Variants in GRIP1 observed in about 807,000 individuals in gnomAD.
GRIP1 encodes the protein glutamate receptor interacting protein 1, also known as glutamate receptor-interacting protein 1.
Under a neutral mutation model 129.9 loss-of-function variants are expected in GRIP1, and 45 were observed. The observed-to-expected ratio is 0.35, with a 90% CI of 0.27 to 0.44. The LOEUF (loss-of-function observed/expected upper bound fraction) is 0.44. GRIP1 is among the 20% of genes least tolerant of loss of function. The pLI, the probability that GRIP1 is intolerant of heterozygous loss-of-function variation, is 1.00. For missense variants in GRIP1, 1,196 were observed against 1,396.8 expected (o/e 0.86, Z 2.29); for synonymous variants, 530 against 520.8 (o/e 1.02, Z -0.24).
intron 1 of GRIP1, chr12:66,647,384 A>G (rs1394328605): frequency 2.0e-5 from 3 of 152,240 alleles, no homozygotes; most frequent in African/African-American, 4.8e-5. Flanking sequence ...ATACGACATC[A>G]TAATACATAA....
In GRIP1 at chr12:66,825,553, C is replaced by T. The variant is rs79914187; in HGVS notation, c.59-228626G>A. ...ACTATATCTGAGACTTCAGGCAAGG[C>T]ACTTAACCTGTTTATCCCACAGTTC... On this transcript the variant is annotated intron_variant, in intron 1 of 1. Coordinates refer to the GRIP1 transcript ENST00000643019. Among the ~76,000 whole-genome samples the T allele has an allele frequency of 3.4e-3, 517 of 152,252 alleles. 3 individuals are homozygous for T. Among genetic ancestry groups the T allele is most frequent in the African/African-American group, 0.012 (491 of 41,550 alleles).
At chr12:66,592,664 T>C (rs2139723548) in intron 2 of GRIP1, among the ~76,000 whole-genome samples, 1 of 152,322 alleles carries the variant, frequency 6.6e-6, no homozygotes, top group South Asian at 2.1e-4. Context: ...AACTCTAGGC[T>C]TTGAGGTCAA....
rs567668449 is a variant in GRIP1, at chr12:66,930,995, A to G, written c.58+138055T>C. The stretch of plus-strand genomic sequence containing the variant: ...GGGATCCTCTCCTAACTCATCAAAG[A>G]GCAAAATATTTTTTAAAATGCAATG... On this transcript the variant is annotated intron_variant, in intron 1 of 1. Transcript: ENST00000643019. Among the ~76,000 whole-genome samples, 27 of 152,296 alleles carry G rather than the reference A, an allele frequency of 1.8e-4. 1 individual carries two copies. The South Asian group carries it at 5.4e-3, about 30-fold the overall frequency.
chr12:66,986,621 T>C (rs2042315683), intron 1 of GRIP1, among the ~76,000 whole-genome samples: 1 of 141,224 alleles, frequency 7.1e-6, no homozygotes, highest in Admixed American at 7.6e-5. Flanking sequence ...AGGTGGGAAT[T>C]GAACAGTGAG....
chr12:66,533,990 G>A (rs373888320), intron 4 of GRIP1, among the ~76,000 whole-genome samples: 5 of 151,986 alleles, frequency 3.3e-5, no homozygotes, highest in East Asian at 1.9e-4. Flanking sequence ...GCCTTGGGTC[G>A]CTTGTCTTTT....
intron 1 of GRIP1, among the ~76,000 whole-genome samples, chr12:66,845,934 C>A (rs1316367818): frequency 6.6e-6 from 1 of 152,140 alleles, no homozygotes; most frequent in Non-Finnish European, 1.5e-5. Context: ...ACTCCTACTC[C>A]TCTCCCAGAA....
intron 1 of GRIP1, among the ~76,000 whole-genome samples, chr12:66,952,878 T>C (rs749509951): frequency 6.6e-6 from 1 of 152,340 alleles, no homozygotes; most frequent in South Asian, 2.1e-4. Flanking sequence ...ATTCTGTTTT[T>C]AGTCCATTTT....
intron 1 of GRIP1, chr12:66,804,018 C>T (rs1182173553): frequency 4.7e-6 from 2 of 426,486 alleles, no homozygotes; most frequent in South Asian, 1.7e-5. Context: ...CCCCAGCATG[C>T]GAGAAGGAAC....
intron 1 of GRIP1, among the ~76,000 whole-genome samples, chr12:66,635,743 A>G (rs891604281): frequency 2.6e-5 from 4 of 152,206 alleles, no homozygotes; most frequent in African/African-American, 4.8e-5. Context: ...ACCAGTAAAG[A>G]AAATAAATAC....
chr12:66,428,085 A>G (rs1469726806), intron 14 of GRIP1, among the ~76,000 whole-genome samples: 70 of 152,236 alleles, frequency 4.6e-4, no homozygotes, highest in Non-Finnish European at 6.9e-4. Flanking sequence ...CTCGCTGAAA[A>G]TCCTAGTGTC....
intron 1 of GRIP1, 25 bp downstream of exon 1, chr12:66,678,825 G>A: frequency 3.1e-6 from 5 of 1,606,304 alleles, no homozygotes; most frequent in Non-Finnish European, 4.3e-6. Flanking sequence ...GACTCGCTGA[G>A]GGAATAACAA....
intron 4 of GRIP1, 150 bp downstream of exon 4, chr12:66,538,927 GT>G: frequency 5.8e-6 from 4 of 695,048 alleles, no homozygotes. Context: ...ATGTCTTACT[GT>G]GCCAAATTTA....
intron 1 of GRIP1, among the ~76,000 whole-genome samples, chr12:66,790,466 G>A (rs145962195): frequency 0.026 from 3,909 of 152,180 alleles, 59 homozygotes; most frequent in Non-Finnish European, 0.041. Context: ...TATTCTAGTT[G>A]TCTACAGTTT....
At chr12:66,880,275 C>T (rs1052967093) in intron 1 of GRIP1, among the ~76,000 whole-genome samples, 1 of 152,000 alleles carries the variant, frequency 6.6e-6, no homozygotes, top group Admixed American at 6.6e-5. Flanking sequence ...GTGGTAAGAT[C>T]TGCTAAAAAA....
intron 1 of GRIP1, among the ~76,000 whole-genome samples, chr12:66,876,219 AATAAAGAACTTG>A (rs1450727644): frequency 2.6e-5 from 4 of 152,056 alleles, no homozygotes; most frequent in Non-Finnish European, 5.9e-5. Flanking sequence ...TAAAATTTAA[AATAAAGAACTTG>A]AATTTTATCT....
At chr12:66,736,074 G>C (rs769619129) in intron 1 of GRIP1, among the ~76,000 whole-genome samples, 1 of 152,126 alleles carries the variant, frequency 6.6e-6, no homozygotes, top group Non-Finnish European at 1.5e-5. Context: ...CCCCTGCACA[G>C]TCAAAAATCT....
At chr12:66,651,906 A>G (rs1333638210) in intron 1 of GRIP1, among the ~76,000 whole-genome samples, 1 of 152,138 alleles carries the variant, frequency 6.6e-6, no homozygotes, top group Non-Finnish European at 1.5e-5. Flanking sequence ...ATTTCCTACC[A>G]TAATGTACAC....
intron 1 of GRIP1, among the ~76,000 whole-genome samples, chr12:66,970,085 C>T (rs2042050800): frequency 6.6e-6 from 1 of 152,064 alleles, no homozygotes; most frequent in Non-Finnish European, 1.5e-5. Flanking sequence ...TGCCTGTTAG[C>T]ATGCTTTGTT....
Position 66,465,543 on chromosome 12 carries a change from AT to A in GRIP1, c.725-122del, listed in dbSNP as rs1245130885. 1.1e-5 allele frequency: 9 copies of A among 805,442 alleles called. No individual in the cohort carries two copies. The African/African-American group carries it at 1.5e-4, about 14-fold the overall frequency. 49.9% of individuals were successfully genotyped at this position (805,442 alleles called of 1,614,324 possible). A position where few individuals can be genotyped will look rare whatever the true frequency, so the allele number is the denominator to read the frequency against. On this transcript the variant is annotated intron_variant, in intron 7 of 24. Transcript: ENST00000359742. ...TGTTAATTTTATCACTGAAACTTAG[AT>A]TTCCCTCCATATAATATCCCCACAG...
Sources: allele counts gnomAD v4.1 joint callset (sites outside exome capture counted in the v4.1 genomes callset), GRCh38; gene constraint gnomAD v4.1.1; transcripts MANE v1.5; gene names NCBI Gene and HGNC (gene_info 2026-07-23, HGNC 2026-07-21).